Variants in SH2D7 observed in about 807,000 individuals in gnomAD.
SH2D7 encodes SH2 domain containing 7.
A neutral mutation model predicts 40.8 loss-of-function variants in SH2D7; 32 were observed. That is an observed-to-expected ratio of 0.78 (90% CI 0.59 to 1.05). SH2D7 has a LOEUF of 1.05. Ranked by LOEUF, SH2D7 falls within the 50% of genes least tolerant of loss-of-function variation. The pLI, the probability that SH2D7 is intolerant of heterozygous loss-of-function variation, is 0.00. For synonymous variants in SH2D7, 195 were observed against 221.5 expected, an observed-to-expected ratio of 0.88 and a Z score of 1.06; for missense variants, 559 against 566.6, an observed-to-expected ratio of 0.99 and a Z score of 0.14.
Position 78,101,140 on chromosome 15 carries a change from G to A in SH2D7, c.887G>A (p.Gly296Glu). The A allele has an allele frequency of 6.4e-7, 1 of 1,560,332 alleles. No individual in the cohort carries two copies. Among genetic ancestry groups the A allele is most frequent in the Non-Finnish European group, 8.6e-7 (1 of 1,157,418 alleles). Residue 296 changes from glycine to glutamate, a missense_variant, in exon 5 of 6, where the codon GGG (glycine) becomes GAG (glutamate). Physicochemically the swap from Gly to Glu is moderately conservative, Grantham distance 98. Coordinates refer to ENST00000328828, the MANE Select transcript of SH2D7 (RefSeq NM_001101404.2). ...DGEQNRPDGL[G>E]PVLSGVSPDQ... is the part of the protein sequence containing the mutation. Reference sequence around the variant, plus strand: ...GAACAGAACAGGCCTGATGGCCTGGGGCCTGTCCTTTCTGGGGTGAGCCCA... The same window carrying A: ...GAACAGAACAGGCCTGATGGCCTGGAGCCTGTCCTTTCTGGGGTGAGCCCA...
rs116997017 is a variant in SH2D7 at position 78,093,615 on chromosome 15, G to A, written c.177-497G>A. On this transcript the variant is annotated intron_variant, in intron 1 of 5. Coordinates refer to ENST00000328828, the MANE Select transcript of SH2D7 (RefSeq NM_001101404.2). ...AACTGCCTGGGATTGAAGGGGACAGGAAGAGGAATGAGTCCCTTTTAGCTG... is the reference window on the plus strand; with the variant it reads ...AACTGCCTGGGATTGAAGGGGACAGAAAGAGGAATGAGTCCCTTTTAGCTG... Among the ~76,000 whole-genome samples, 14 of 152,354 alleles carry A rather than the reference G, an allele frequency of 9.2e-5. No individual in the cohort carries two copies. In the East Asian group the frequency reaches 2.1e-3, roughly 23 times the overall value.
chr15:78,100,334 T>C (rs1000530432), intron 4 of SH2D7, among the ~76,000 whole-genome samples: 5 of 151,030 alleles, frequency 3.3e-5, no homozygotes, highest in African/African-American at 1.2e-4. Flanking sequence ...ACAATGGAGG[T>C]GGGAGGAGCA....
rs2074016956 is a variant in SH2D7 at position 78,101,519 on chromosome 15, C to T, written c.1266C>T (p.Ile422=). ...AGCCTGGGAACACCTATGAACAGAT[C>T]CCAGCAACCAAGAGCAAGGAGACTG... ...LSEPGNTYEQ[I]PATKSKETGR... The change falls in exon 5 of 6, where the codon ATC becomes ATT. Residue 422 remains isoleucine (I), a synonymous_variant. Coordinates refer to ENST00000328828, the MANE Select transcript of SH2D7 (RefSeq NM_001101404.2). 1 of 1,605,704 alleles carries T rather than the reference C, an allele frequency of 6.2e-7. No individual in the cohort carries two copies. Among genetic ancestry groups the T allele is most frequent in the Non-Finnish European group, 8.5e-7 (1 of 1,176,964 alleles).
At chr15:78,090,816 A>G (rs2141867159), upstream of SH2D7, among the ~76,000 whole-genome samples, 1 of 152,272 alleles carries the variant, frequency 6.6e-6, no homozygotes, top group South Asian at 2.1e-4. Flanking sequence ...ATCTGGCTGT[A>G]ACACCCTCAT....
chr15:78,103,332 A>G, intron 5 of SH2D7, 133 bp from the exon 6 acceptor site: 2 of 966,066 alleles, frequency 2.1e-6, no homozygotes, highest in African/African-American at 3.3e-5. Context: ...GGAATCAACT[A>G]TCAGAATTCC....
chr15:78,097,890 G>C, intron 2 of SH2D7, 39 bp from the exon 3 acceptor site: 1 of 1,603,046 alleles, frequency 6.2e-7, no homozygotes, highest in Non-Finnish European at 8.5e-7. Context: ...TGGGCTGCCT[G>C]TGACCAGCAG....
In SH2D7 at chr15:78,092,704, C is replaced by A; in HGVS notation, c.120C>A (p.Pro40=). 1 of 1,601,754 alleles carries A rather than the reference C, an allele frequency of 6.2e-7. No homozygotes were observed. Among genetic ancestry groups the A allele is most frequent in the Non-Finnish European group, 8.5e-7 (1 of 1,174,332 alleles). Residue 40 remains proline (P), a synonymous_variant, in exon 1 of 6, where the codon CCC becomes CCA. Transcript: ENST00000328828. ...ALKWFMETQA[P]FILQNGALPP... ...AGTGGTTCATGGAGACACAGGCCCC[C>A]TTCATTCTGCAGAACGGTGCCCTGC...
chr15:78,100,029 A>G (rs1033244021), intron 4 of SH2D7, among the ~76,000 whole-genome samples: 1 of 152,186 alleles, frequency 6.6e-6, no homozygotes, highest in Non-Finnish European at 1.5e-5. Context: ...CGTTCTTTGT[A>G]GCACTGATCA....
intron 4 of SH2D7, among the ~76,000 whole-genome samples, chr15:78,099,833 C>T (rs1212860283): frequency 2.0e-5 from 3 of 152,052 alleles, no homozygotes; most frequent in African/African-American, 7.2e-5. Flanking sequence ...CTTGCTCCCA[C>T]CTCAGGGCCT....
At position 78,101,452 on chromosome 15, in the gene SH2D7, T is replaced by C; in HGVS notation, c.1199T>C (p.Val400Ala). The C allele has an allele frequency of 6.2e-7, 1 of 1,613,158 alleles. No individual in the cohort carries two copies. Among genetic ancestry groups the C allele is most frequent in the Non-Finnish European group, 8.5e-7 (1 of 1,179,580 alleles). Residue 400 changes from valine (V) to alanine (A), a missense_variant, in exon 5 of 6, where the codon GTC (valine) becomes GCC (alanine). Val to Ala is a moderately conservative substitution (Grantham distance 64, BLOSUM62 0). Transcript: ENST00000328828. The stretch of plus-strand genomic sequence containing the variant: ...GCCAGTCCCACATATAGCCCATGGG[T>C]CCATGGCTACAAGAGGATCTCAGGG... The part of the protein sequence containing the change: ...PGASPTYSPW[V>A]HGYKRISGTP...
intron 1 of SH2D7, 102 bp from the exon 2 acceptor site, chr15:78,094,010 C>T: frequency 8.5e-7 from 1 of 1,179,836 alleles, no homozygotes; most frequent in Non-Finnish European, 1.2e-6. Context: ...AGGTCTGGAA[C>T]CCAAAGGCAT....
chr15:78,101,141 G>T lies in SH2D7; in HGVS notation c.888G>T (p.Gly296=), dbSNP rs1199481835. ...DGEQNRPDGL[G]PVLSGVSPDQ... is the part of the protein sequence containing the mutation. ...AACAGAACAGGCCTGATGGCCTGGGGCCTGTCCTTTCTGGGGTGAGCCCAG... is the reference window on the plus strand; with the variant it reads ...AACAGAACAGGCCTGATGGCCTGGGTCCTGTCCTTTCTGGGGTGAGCCCAG... The change falls in exon 5 of 6, where the codon GGG becomes GGT. Residue 296 remains glycine (G), a synonymous_variant. Coordinates refer to ENST00000328828, the MANE Select transcript of SH2D7 (RefSeq NM_001101404.2). 7.7e-6 allele frequency: 12 copies of T among 1,560,722 alleles called. No individual in the cohort carries two copies. Among genetic ancestry groups the T allele is most frequent in the Non-Finnish European group, 1.0e-5 (12 of 1,157,536 alleles).
Position 78,101,075 on chromosome 15 carries a change from C to T in SH2D7, c.822C>T (p.Tyr274=). The change falls in exon 5 of 6, where the codon TAC becomes TAT. Residue 274 remains tyrosine (Y), a synonymous_variant. Transcript: ENST00000328828. ...HGPVPAGSQA[Y]SPGREAQRRL... ...CAGTTCCAGCTGGCAGCCAGGCCTACTCCCCAGGCAGGGAGGCCCAAAGGA... is the reference window on the plus strand; with the variant it reads ...CAGTTCCAGCTGGCAGCCAGGCCTATTCCCCAGGCAGGGAGGCCCAAAGGA... The T allele has an allele frequency of 6.3e-7, 1 of 1,598,288 alleles. No individual in the cohort carries two copies. Among genetic ancestry groups the T allele is most frequent in the Non-Finnish European group, 8.5e-7 (1 of 1,173,290 alleles).
upstream of SH2D7, among the ~76,000 whole-genome samples, chr15:78,090,750 G>A (rs919613267): frequency 2.0e-5 from 3 of 152,036 alleles, no homozygotes; most frequent in Admixed American, 1.3e-4. Flanking sequence ...AGCAGGACAA[G>A]TTAGATCATT....
upstream of SH2D7, chr15:78,092,478 A>C (rs1043289612): frequency 6.4e-6 from 8 of 1,247,350 alleles, no homozygotes; most frequent in East Asian, 2.1e-4. Context: ...GCTGTGTGCT[A>C]TGGGCCCTTG....
In SH2D7 at chr15:78,101,555, C is replaced by T. The variant is rs777945262; in HGVS notation, c.1302C>T (p.His434=). The change falls in exon 5 of 6, where the codon CAC becomes CAT. Residue 434 remains histidine, a synonymous_variant. Coordinates refer to ENST00000328828, the MANE Select transcript of SH2D7 (RefSeq NM_001101404.2). Reference sequence around the variant, plus strand: ...AGAGCAAGGAGACTGGACGGACACACAAGGTGAGCTCCATGATGGGGTGGG... The same window carrying T: ...AGAGCAAGGAGACTGGACGGACACATAAGGTGAGCTCCATGATGGGGTGGG... ...ATKSKETGRT[H]KPDKLRRLFF... 1.9e-6 allele frequency: 3 copies of T among 1,577,944 alleles called. No individual in the cohort carries two copies. In the Admixed American group the frequency reaches 5.6e-5, roughly 29 times the overall value.
chr15:78,095,947 A>G (rs991173407), intron 2 of SH2D7, among the ~76,000 whole-genome samples: 3 of 152,034 alleles, frequency 2.0e-5, no homozygotes, highest in Non-Finnish European at 4.4e-5. Flanking sequence ...GGTTCAAGCA[A>G]TTCTCCTGTC....
At chr15:78,096,199 T>C (rs897830005) in intron 2 of SH2D7, among the ~76,000 whole-genome samples, 2 of 152,112 alleles carry the variant, frequency 1.3e-5, no homozygotes, top group Admixed American at 6.5e-5. Flanking sequence ...AAGAAAAAGG[T>C]CAGGGTGCAG....
Position 78,094,169 on chromosome 15 carries a change from T to C in SH2D7, c.234T>C (p.Ser78=), listed in dbSNP as rs1167781282. 3.1e-6 allele frequency: 5 copies of C among 1,608,116 alleles called. No homozygotes were observed. Among genetic ancestry groups the C allele is most frequent in the Non-Finnish European group, 3.4e-6 (4 of 1,177,758 alleles). The part of the protein sequence containing the change: ...KALGSFLIRL[S]DRATGYILSY... ...TTGGTTCCTTCCTTATCCGCCTCAG[T>C]GACCGAGCCACTGGCTACATCTTGT... The change falls in exon 2 of 6, where the codon AGT becomes AGC. Residue 78 remains serine, a synonymous_variant. Coordinates refer to ENST00000328828, the MANE Select transcript of SH2D7 (RefSeq NM_001101404.2).
Sources: allele counts gnomAD v4.1 joint callset (sites outside exome capture counted in the v4.1 genomes callset), GRCh38; gene constraint gnomAD v4.1.1; transcripts MANE v1.5; gene names NCBI Gene and HGNC (gene_info 2026-07-23, HGNC 2026-07-21).